ANKRD30B: variants seen among roughly 807,000 people sequenced by gnomAD.
The protein encoded by ANKRD30B is ankyrin repeat domain-containing protein 30B.
ANKRD30B carries 144 observed loss-of-function variants against 202.2 expected under a neutral mutation model. The observed-to-expected ratio is 0.71, with a 90% CI of 0.62 to 0.82. The LOEUF (loss-of-function observed/expected upper bound fraction) is 0.82. ANKRD30B is among the 40% of genes least tolerant of loss of function. The probability of loss-of-function intolerance (pLI) is 0.00; values close to 1 mark genes in which losing one functional copy is unlikely to be tolerated. For missense variants in ANKRD30B, 1,487 were observed against 1,669.1 expected (o/e 0.89, Z 1.90); for synonymous variants, 508 against 561.3 (o/e 0.91, Z 1.34).
rs10438848 is a variant in ANKRD30B at position 14,791,877 on chromosome 18, C to T, written c.1825+386C>T. ...AATGATTCTTTAGGAAAAGATTGGG[C>T]ATGGTTAGAAATTTGGGAAGAATGT... On this transcript the variant is annotated intron_variant, in intron 16 of 43. Transcript: ENST00000690538. Among the ~76,000 whole-genome samples the T allele has an allele frequency of 3.5e-3, 529 of 152,190 alleles. 3 individuals carry two copies. The highest frequency in any genetic ancestry group is 0.011 in the African/African-American group (459 of 41,542).
At chr18:14,888,294 T>C in the ANKRD30B span, among the ~76,000 whole-genome samples, 113 of 152,228 alleles carry the variant, frequency 7.4e-4, 2 homozygotes, top group East Asian at 0.019. Context: ...CCTGTAGGTC[T>C]GATATACCTT....
chr18:14,940,704 C>G, the ANKRD30B span, among the ~76,000 whole-genome samples: 24 of 152,320 alleles, frequency 1.6e-4, no homozygotes, highest in African/African-American at 5.8e-4. Flanking sequence ...TCAGGCTGTC[C>G]TGGGAAGTCA....
intron 39 of ANKRD30B, among the ~76,000 whole-genome samples, chr18:14,846,554 T>C (rs945686897): frequency 1.3e-5 from 2 of 151,706 alleles, no homozygotes; most frequent in African/African-American, 4.9e-5. Context: ...CATTTGTCCA[T>C]TTCTTTTGCA....
the ANKRD30B span, among the ~76,000 whole-genome samples, chr18:14,869,663 C>T: frequency 1.1e-4 from 16 of 151,114 alleles, no homozygotes; most frequent in African/African-American, 3.6e-4. Context: ...TAATTAGCTG[C>T]TACATTGCAG....
In ANKRD30B at chr18:14,848,853, C is replaced by T. The variant is rs761007648; in HGVS notation, c.3319C>T (p.Leu1107=). Residue 1107 remains leucine (L), a synonymous_variant, in exon 40 of 44, where the codon CTG becomes TTG. Transcript: ENST00000690538. ...KNKFCVLQKE[L]SEAKEIKSQL... ...TAAGTTTTGTGTACTACAAAAGGAA[C>T]TGTCAGAAGCGAAAGAAATAAAATC... The T allele has an allele frequency of 6.2e-7, 1 of 1,600,952 alleles. No individual in the cohort carries two copies.
intron 4 of ANKRD30B, among the ~76,000 whole-genome samples, chr18:14,756,838 G>C (rs1248803393): frequency 6.6e-6 from 1 of 152,176 alleles, no homozygotes. Context: ...GTTGCAGTGA[G>C]CTGAGATCAT....
intron 30 of ANKRD30B, among the ~76,000 whole-genome samples, 160 bp from the exon 31 acceptor site, chr18:14,822,323 G>A (rs925203956): frequency 1.8e-4 from 27 of 151,812 alleles, no homozygotes; most frequent in Non-Finnish European, 2.2e-4. Context: ...TGTCACTCTG[G>A]CATGTTAACA....
the ANKRD30B span, among the ~76,000 whole-genome samples, chr18:14,887,244 C>A: frequency 6.6e-6 from 1 of 152,066 alleles, no homozygotes; most frequent in Non-Finnish European, 1.5e-5. Flanking sequence ...TCATGACATT[C>A]AGGGCCCCTT....
At chr18:14,920,567 T>A in the ANKRD30B span, among the ~76,000 whole-genome samples, 7 of 152,194 alleles carry the variant, frequency 4.6e-5, 1 homozygote, top group South Asian at 1.5e-3. Flanking sequence ...AAGAAAAAAA[T>A]GAGTGACAGC....
chr18:14,877,443 G>C, the ANKRD30B span, among the ~76,000 whole-genome samples: 15 of 151,962 alleles, frequency 9.9e-5, no homozygotes, highest in East Asian at 2.9e-3. Context: ...TAGCATGGGG[G>C]ATAGTAAGAG....
At chr18:14,910,503 A>AT in the ANKRD30B span, among the ~76,000 whole-genome samples, 94 of 150,334 alleles carry the variant, frequency 6.3e-4, 1 homozygote, top group East Asian at 0.012. Context: ...ATATATATAT[A>AT]AAATTTCTTT....
chr18:14,799,183 T>C (rs761789663), intron 21 of ANKRD30B, 40 bp from the exon 22 acceptor site: 6 of 1,587,598 alleles, frequency 3.8e-6, no homozygotes, highest in Non-Finnish European at 5.1e-6. Context: ...TTATGAAGTA[T>C]ACATTATATG....
chr18:14,766,203 G>A (rs1280947288), intron 7 of ANKRD30B, among the ~76,000 whole-genome samples: 1 of 151,584 alleles, frequency 6.6e-6, no homozygotes, highest in Non-Finnish European at 1.5e-5. Flanking sequence ...GTCAGGGCTG[G>A]GCATGGTGCC....
intron 9 of ANKRD30B, among the ~76,000 whole-genome samples, chr18:14,776,484 C>T (rs903784548): frequency 6.6e-6 from 1 of 152,094 alleles, no homozygotes; most frequent in Admixed American, 6.6e-5. Flanking sequence ...AGGAGTAAGC[C>T]ATATGAAAGT....
Position 14,757,882 on chromosome 18 carries a change from G to T in ANKRD30B, c.685G>T (p.Val229Phe). 1 of 1,613,460 alleles carries T rather than the reference G, an allele frequency of 6.2e-7. No homozygotes were observed. Among genetic ancestry groups the T allele is most frequent in the Non-Finnish European group, 8.5e-7 (1 of 1,179,706 alleles). ...AGTCGGCATGCTTCTTCAGCAAAATGTTGACGTCTTTGCTGAAGACATACA... is the reference window on the plus strand; with the variant it reads ...AGTCGGCATGCTTCTTCAGCAAAATTTTGACGTCTTTGCTGAAGACATACA... The part of the protein sequence containing the change: ...EIVGMLLQQN[V>F]DVFAEDIHGI... The change falls in exon 5 of 44, where the codon GTT becomes TTT. Residue 229 changes from valine (V) to phenylalanine (F), a missense_variant. Val to Phe is a conservative substitution (Grantham distance 50). Transcript: ENST00000690538.
Position 14,840,670 on chromosome 18 carries a change from A to T in ANKRD30B, c.3071A>T (p.Lys1024Ile). The T allele has an allele frequency of 6.6e-7, 1 of 1,518,392 alleles. No homozygotes were observed. The allele number at this position is 1,518,392 out of a possible 1,614,324, so 94.1% of individuals were successfully genotyped here. Residue 1024 changes from lysine to isoleucine, a missense_variant, in exon 37 of 44, where the codon AAA (lysine) becomes ATA (isoleucine). Lys to Ile is a moderately radical substitution (Grantham distance 102, BLOSUM62 -3). This residue lies in a region of ANKRD30B where 218 missense variants were observed against 320.1 expected (regional missense o/e 0.68). Transcript: ENST00000690538. ...YQKEIKTTNG[K>I]IEESPEKPSH... ...AAAGAAATAAAGACAACAAATGGCA[A>T]AATAGAAGGTAAGAACCATTTTTTA...
the ANKRD30B span, among the ~76,000 whole-genome samples, chr18:14,864,540 T>G: frequency 6.6e-6 from 1 of 151,732 alleles, no homozygotes; most frequent in Non-Finnish European, 1.5e-5. Context: ...TTCCCCACTG[T>G]CTTTTTGCAA....
chr18:14,778,081 A>T lies in ANKRD30B; in HGVS notation c.1420+6A>T, dbSNP rs773642792. On this transcript the variant is annotated splice_donor_region_variant and intron_variant, in intron 10 of 43. Transcript: ENST00000690538. The stretch of plus-strand genomic sequence containing the variant: ...AATAAATCACAAAATAGAAGGTAAG[A>T]ACCATTTTTTATTTAAAACATCTTT... 359 of 1,519,546 alleles carry T rather than the reference A, an allele frequency of 2.4e-4. No individual in the cohort carries two copies. Among genetic ancestry groups the T allele is most frequent in the Non-Finnish European group, 2.9e-4 (322 of 1,120,116 alleles). 94.1% of individuals were successfully genotyped at this position (1,519,546 alleles called of 1,614,324 possible). A position where few individuals can be genotyped will look rare whatever the true frequency, so the allele number is the denominator to read the frequency against.
At chr18:14,915,717 A>G in the ANKRD30B span, 1 of 152,204 alleles carries the variant, frequency 6.6e-6, no homozygotes, top group South Asian at 2.1e-4. Context: ...TACTTACAAT[A>G]AATGCTGTTT....
Sources: gnomAD v4.1 joint callset for allele counts (sites outside exome capture counted in the v4.1 genomes callset) on GRCh38, gnomAD v4.1.1 for gene constraint, gnomAD v4.1.1 regional missense constraint, MANE v1.5 for transcripts, NCBI Gene and HGNC (gene_info 2026-07-23, HGNC 2026-07-21) for gene names.